Variants in ITSN1 observed in about 807,000 individuals in gnomAD.
The protein encoded by ITSN1 is intersectin 1, also known as intersectin-1.
A neutral mutation model predicts 239.8 loss-of-function variants in ITSN1; 58 were observed. That is an observed-to-expected ratio of 0.24 (90% CI 0.20 to 0.30). ITSN1 has a LOEUF of 0.30. ITSN1 is among the 10% of genes least tolerant of loss of function. The pLI, the probability that ITSN1 is intolerant of heterozygous loss-of-function variation, is 1.00. For synonymous variants in ITSN1, 780 were observed against 770.8 expected, an observed-to-expected ratio of 1.01 and a Z score of -0.20; for missense variants, 1,558 against 2,103.3, an observed-to-expected ratio of 0.74 and a Z score of 5.07.
At position 33,765,770 on chromosome 21, in the gene ITSN1, G is replaced by C. The variant is rs563181072; in HGVS notation, c.789-105G>C. On this transcript the variant is annotated intron_variant, in intron 9 of 39. Transcript: ENST00000381318. Reference sequence around the variant, plus strand: ...ACAAAATGAGGGACAAAGAGACTCAGTTGGCCTGTGGTCAATAAGAAAACA... The same window carrying C: ...ACAAAATGAGGGACAAAGAGACTCACTTGGCCTGTGGTCAATAAGAAAACA... 4.3e-5 allele frequency: 50 copies of C among 1,150,070 alleles called. No homozygotes were observed. In the African/African-American group the frequency reaches 6.7e-4, roughly 15 times the overall value. The allele number at this position is 1,150,070 out of a possible 1,614,324, so 71.2% of individuals were successfully genotyped here. A position where few individuals can be genotyped will look rare whatever the true frequency, so the allele number is the denominator to read the frequency against.
intron 33 of ITSN1, 25 bp from the exon 34 acceptor site, chr21:33,875,329 T>C: frequency 6.2e-7 from 1 of 1,613,724 alleles, no homozygotes; most frequent in East Asian, 2.2e-5. Flanking sequence ...TAAAAGGAGG[T>C]GGTTGTTTTT....
At chr21:33,786,026 A>G (rs1211861825) in intron 16 of ITSN1, among the ~76,000 whole-genome samples, 3 of 152,228 alleles carry the variant, frequency 2.0e-5, no homozygotes, top group Non-Finnish European at 4.4e-5. Context: ...AGGAGAAACG[A>G]TAGCACCCTG....
chr21:33,803,009 C>T lies in ITSN1; in HGVS notation c.2319+565C>T, dbSNP rs574046408. ...ACACCCACAAGCCTTAAACAATTGG[C>T]AGAGGGTGGGAAGGGACATTCACAG... On this transcript the variant is annotated intron_variant, in intron 20 of 39. Coordinates refer to ENST00000381318, the MANE Select transcript of ITSN1 (RefSeq NM_003024.3). Among the ~76,000 whole-genome samples, 8 of 152,240 alleles carry T rather than the reference C, an allele frequency of 5.3e-5. No homozygotes were observed. In the South Asian group the frequency reaches 8.3e-4, roughly 16 times the overall value.
intron 12 of ITSN1, among the ~76,000 whole-genome samples, chr21:33,773,373 A>G (rs1319336060): frequency 6.6e-6 from 1 of 152,166 alleles, no homozygotes; most frequent in African/African-American, 2.4e-5. Context: ...ATTCTATGGA[A>G]GGCTTCGTAA....
intron 1 of ITSN1, among the ~76,000 whole-genome samples, chr21:33,710,990 G>C (rs1482853411): frequency 6.6e-6 from 1 of 151,848 alleles, no homozygotes; most frequent in Non-Finnish European, 1.5e-5. Flanking sequence ...ATTTTTAGTA[G>C]AGACGTTGGC....
Position 33,680,213 on chromosome 21 carries a change from G to A in ITSN1, c.-33+37500G>A, listed in dbSNP as rs567421383. On this transcript the variant is annotated intron_variant, in intron 1 of 39. Coordinates refer to ENST00000381318, the MANE Select transcript of ITSN1 (RefSeq NM_003024.3). ...GGGGGTTTTATTCCTCTGGATGTTT[G>A]TTGTCTTGTGTCCTGTGGAATATTT... is the stretch of plus-strand genomic sequence containing the variant. Among the ~76,000 whole-genome samples the A allele has an allele frequency of 3.3e-5, 5 of 152,060 alleles. No individual in the cohort carries two copies. The East Asian group carries it at 5.8e-4, about 18-fold the overall frequency.
chr21:33,738,907 G>A (rs1204484717), intron 5 of ITSN1, among the ~76,000 whole-genome samples: 4 of 151,688 alleles, frequency 2.6e-5, no homozygotes, highest in African/African-American at 4.8e-5. Context: ...CGTTCCTCCT[G>A]CTTCAGCCTC....
At chr21:33,856,643 C>T (rs1979397903) in intron 29 of ITSN1, 93 bp from the exon 30 acceptor site, 4 of 1,584,112 alleles carry the variant, frequency 2.5e-6, no homozygotes, top group African/African-American at 2.7e-5. Context: ...GGAGCAAGCC[C>T]TCAGGACCCA....
chr21:33,857,363 G>C (rs970550917), intron 30 of ITSN1, among the ~76,000 whole-genome samples: 4 of 152,222 alleles, frequency 2.6e-5, no homozygotes, highest in Non-Finnish European at 5.9e-5. Context: ...CCCCTGACCT[G>C]AGTGATGCCT....
chr21:33,781,957 A>C (rs887895507), intron 15 of ITSN1, 37 bp from the exon 16 acceptor site: 2 of 1,552,310 alleles, frequency 1.3e-6, no homozygotes, highest in African/African-American at 2.8e-5. Flanking sequence ...CTGCAAATTA[A>C]AGTTTTTCTT....
chr21:33,823,502 A>G lies in ITSN1; in HGVS notation c.3032A>G (p.Tyr1011Cys). Residue 1011 changes from tyrosine (Y) to cysteine (C), a missense_variant, in exon 25 of 40, where the codon TAC becomes TGC. Tyr to Cys is a radical substitution (Grantham distance 194). This residue lies in a region of ITSN1 where 982 missense variants were observed against 1,209.9 expected (regional missense o/e 0.81). Transcript: ENST00000381318. ...VVSGEEFIAM[Y>C]TYESSEQGDL... Reference sequence around the variant, plus strand: ...TCCCCACCAGAATTTATTGCCATGTACACTTACGAGAGTTCTGAGCAAGGA... The same window carrying G: ...TCCCCACCAGAATTTATTGCCATGTGCACTTACGAGAGTTCTGAGCAAGGA... The G allele has an allele frequency of 6.2e-7, 1 of 1,613,844 alleles. No individual in the cohort carries two copies. The highest frequency in any genetic ancestry group is 2.2e-5 in the East Asian group (1 of 44,888).
chr21:33,677,180 A>C (rs2090645750), intron 1 of ITSN1, among the ~76,000 whole-genome samples: 1 of 152,024 alleles, frequency 6.6e-6, no homozygotes, highest in Non-Finnish European at 1.5e-5. Context: ...TTTGCCATGG[A>C]AGTGGAGGTC....
chr21:33,879,182 T>C (rs1984491893), intron 34 of ITSN1, among the ~76,000 whole-genome samples: 1 of 152,078 alleles, frequency 6.6e-6, no homozygotes, highest in Admixed American at 6.5e-5. Flanking sequence ...ACCCTGTCTC[T>C]ACAAAAAATG....
chr21:33,705,232 T>A (rs2146879815), intron 1 of ITSN1, among the ~76,000 whole-genome samples: 1 of 152,050 alleles, frequency 6.6e-6, no homozygotes, highest in African/African-American at 2.4e-5. Context: ...AAAATAAAAA[T>A]TTTTCCTGAG....
intron 1 of ITSN1, among the ~76,000 whole-genome samples, chr21:33,710,167 C>T (rs779042313): frequency 4.0e-5 from 6 of 151,544 alleles, no homozygotes; most frequent in Non-Finnish European, 1.5e-5. Flanking sequence ...CAAGCTCTGC[C>T]TCCCGGGTTC....
chr21:33,715,341 AG>A (rs1330525981), intron 1 of ITSN1, among the ~76,000 whole-genome samples: 3 of 152,212 alleles, frequency 2.0e-5, no homozygotes, highest in African/African-American at 4.8e-5. Flanking sequence ...GATACAAAGA[AG>A]AGAAATCAAT....
intron 17 of ITSN1, 150 bp downstream of exon 17, chr21:33,794,618 A>G: frequency 1.8e-6 from 2 of 1,117,680 alleles, no homozygotes; most frequent in Non-Finnish European, 2.5e-6. Context: ...AAACACGTGT[A>G]TATATGAATC....
chr21:33,863,860 G>C (rs1256365792), intron 31 of ITSN1, among the ~76,000 whole-genome samples: 1 of 152,104 alleles, frequency 6.6e-6, no homozygotes, highest in South Asian at 2.1e-4. Context: ...CCCTCAATGG[G>C]GCAGTGGCCT....
rs941882244 is a variant in ITSN1, at chr21:33,794,581, G to A, written c.1952+113G>A. 6 of 1,380,688 alleles carry A rather than the reference G, an allele frequency of 4.3e-6. No individual in the cohort carries two copies. In the African/African-American group the frequency reaches 5.8e-5, roughly 13 times the overall value. The allele number at this position is 1,380,688 out of a possible 1,614,324, so 85.5% of individuals were successfully genotyped here. A position where few individuals can be genotyped will look rare whatever the true frequency, so the allele number is the denominator to read the frequency against. ...CCAGAAAGAGCCTTCAGTCTTTAGT[G>A]TGCATGTGAAGTGTGAGTGCAAACA... On this transcript the variant is annotated intron_variant, in intron 17 of 39. Coordinates refer to ENST00000381318, the MANE Select transcript of ITSN1 (RefSeq NM_003024.3).
Sources: allele counts gnomAD v4.1 joint callset (sites outside exome capture counted in the v4.1 genomes callset), GRCh38; gene constraint gnomAD v4.1.1; regional missense constraint gnomAD v4.1.1; transcripts MANE v1.5; gene names NCBI Gene and HGNC (gene_info 2026-07-23, HGNC 2026-07-21).